Variants in PCDHGB2 observed in about 807,000 individuals in gnomAD.
PCDHGB2 encodes the protein protocadherin gamma-B2.
A neutral mutation model predicts 59.3 loss-of-function variants in PCDHGB2; 55 were observed. That is an observed-to-expected ratio of 0.93 (90% CI 0.75 to 1.16). The LOEUF is 1.16. PCDHGB2 is among the 50% of genes most tolerant of loss of function. The pLI is 0.00. For missense variants in PCDHGB2, 1,228 were observed against 1,198.5 expected (o/e 1.02, Z -0.36); for synonymous variants, 516 against 512.0 (o/e 1.01, Z -0.11).
chr5:141,486,617 C>A lies in PCDHGB2; in HGVS notation c.2422-8190C>A. On this transcript the variant is annotated intron_variant, in intron 1 of 3. Coordinates refer to ENST00000522605, the MANE Select transcript of PCDHGB2 (RefSeq NM_018923.3). The surrounding 1 kb of genome is among the most constrained non-coding windows in gnomAD (Gnocchi z 5.0). The stretch of plus-strand genomic sequence containing the variant: ...GCTTTGCTCCCTTGCAGCCTCTGAC[C>A]CAGACTCTGGCTTGAATGCGCTTAT... The A allele has an allele frequency of 1.2e-6, 2 of 1,613,602 alleles. No homozygotes were observed. The highest frequency in any genetic ancestry group is 2.2e-5 in the East Asian group (1 of 44,874).
At chr5:141,408,297 C>G in intron 1 of PCDHGB2, 1 of 1,613,652 alleles carries the variant, frequency 6.2e-7, no homozygotes, top group East Asian at 2.2e-5. Flanking sequence ...CTGAGTGAGC[C>G]GATCCGCTAC....
chr5:141,367,484 C>A (rs1377181139), intron 1 of PCDHGB2: 13 of 152,012 alleles, frequency 8.6e-5, no homozygotes, highest in Admixed American at 8.5e-4. Flanking sequence ...TTGCAGTAAG[C>A]CGAGATCGCG....
chr5:141,402,223 T>C (rs1329025694), intron 1 of PCDHGB2, among the ~76,000 whole-genome samples: 1 of 152,054 alleles, frequency 6.6e-6, no homozygotes, highest in Non-Finnish European at 1.5e-5. Context: ...AAATAAACGT[T>C]TTTCCAGGAA....
chr5:141,365,441 G>A (rs749640886), intron 1 of PCDHGB2: 7 of 1,613,952 alleles, frequency 4.3e-6, no homozygotes, highest in East Asian at 2.2e-5. Flanking sequence ...GCTGTTTAGC[G>A]TACATGATGG....
At chr5:141,364,424 C>T (rs1029173533) in intron 1 of PCDHGB2, 1 of 1,613,570 alleles carries the variant, frequency 6.2e-7, no homozygotes, top group Non-Finnish European at 8.5e-7. Context: ...CGGGCAGATC[C>T]GCTACTCGAT....
chr5:141,372,707 G>C, intron 1 of PCDHGB2: 1 of 1,613,964 alleles, frequency 6.2e-7, no homozygotes, highest in Non-Finnish European at 8.5e-7. Context: ...TCAATATAAA[G>C]GCTGAAAATG....
At position 141,489,090 on chromosome 5, in the gene PCDHGB2, C is replaced by A; in HGVS notation, c.2422-5717C>A. On this transcript the variant is annotated intron_variant, in intron 1 of 3. Transcript: ENST00000522605. The surrounding 1 kb of genome is among the most constrained non-coding windows in gnomAD (Gnocchi z 4.5). Reference sequence around the variant, plus strand: ...CCTGCCCACCCCCGCCACTCGGTGACTAAGAACTGCTGCAAGCAGGCAAAC... The same window carrying A: ...CCTGCCCACCCCCGCCACTCGGTGAATAAGAACTGCTGCAAGCAGGCAAAC... The A allele has an allele frequency of 1.5e-5, 5 of 328,802 alleles. No individual in the cohort carries two copies. The highest frequency in any genetic ancestry group is 4.8e-5 in the East Asian group (1 of 20,928). 20.4% of individuals were successfully genotyped at this position (328,802 alleles called of 1,614,324 possible).
intron 1 of PCDHGB2, among the ~76,000 whole-genome samples, chr5:141,460,653 GT>G (rs2098994590): frequency 6.6e-6 from 1 of 151,844 alleles, no homozygotes; most frequent in Admixed American, 6.6e-5. Context: ...TTACACATAT[GT>G]AACTGTAAAC....
intron 1 of PCDHGB2, chr5:141,421,895 GA>G: frequency 6.2e-7 from 1 of 1,613,730 alleles, no homozygotes; most frequent in African/African-American, 1.3e-5. Flanking sequence ...GATCCCATCC[GA>G]AAGGGCGCAG....
rs141397385 is a variant in PCDHGB2 at position 141,476,135 on chromosome 5, A to C, written c.2422-18672A>C. 8.4e-4 allele frequency: 1,352 copies of C among 1,608,526 alleles called. 1 individual carries two copies. Among genetic ancestry groups the C allele is most frequent in the Non-Finnish European group, 1.1e-3 (1,319 of 1,178,332 alleles). On this transcript the variant is annotated intron_variant, in intron 1 of 3. Transcript: ENST00000522605. This position sits in a 1 kb window ranked among gnomAD's most constrained non-coding sequence, Gnocchi z 7.6. ...GAGTGAGATGGTCCCAGAGGCCTGG[A>C]GGAGCGGACTGGTAAGCACCGGGAG...
chr5:141,385,258 A>G lies in PCDHGB2; in HGVS notation c.2421+22702A>G, dbSNP rs1490610927. ...GCTCATCAGCCAGGAGAGCTGTGAG[A>G]AAAATGATTCTTTGCTAACATCCGT... On this transcript the variant is annotated intron_variant, in intron 1 of 3. Coordinates refer to ENST00000522605, the MANE Select transcript of PCDHGB2 (RefSeq NM_018923.3). 6 of 1,613,776 alleles carry G rather than the reference A, an allele frequency of 3.7e-6. No individual in the cohort carries two copies. In the South Asian group the frequency reaches 6.6e-5, roughly 18 times the overall value.
intron 1 of PCDHGB2, among the ~76,000 whole-genome samples, chr5:141,447,023 GT>G (rs5871773): frequency 0.034 from 5,146 of 151,536 alleles, 101 homozygotes; most frequent in Middle Eastern, 0.088. Flanking sequence ...GTTTTGTTTT[GT>G]TTTTTTTCTG....
intron 1 of PCDHGB2, chr5:141,372,531 C>G (rs767186429): frequency 6.2e-7 from 1 of 1,614,032 alleles, no homozygotes; most frequent in Admixed American, 1.7e-5. Context: ...GGCAATCTCC[C>G]TGCGCCTGCG....
chr5:141,366,257 G>C (rs1420756511), intron 1 of PCDHGB2: 1 of 1,613,694 alleles, frequency 6.2e-7, no homozygotes, highest in Non-Finnish European at 8.5e-7. Context: ...GCAGAGCCTC[G>C]TGGTGGCCGT....
At chr5:141,378,896 TTCTGTTA>T (rs1377436714) in intron 1 of PCDHGB2, 1 of 152,242 alleles carries the variant, frequency 6.6e-6, no homozygotes, top group Non-Finnish European at 1.5e-5. Context: ...AGATAGGAGA[TTCTGTTA>T]TCGACAGTCT....
At chr5:141,387,274 AT>A (rs2090884370) in intron 1 of PCDHGB2, among the ~76,000 whole-genome samples, 1 of 152,244 alleles carries the variant, frequency 6.6e-6, no homozygotes, top group South Asian at 2.1e-4. Context: ...GTTAGGAACA[AT>A]GAAAGAAAGA....
chr5:141,417,963 A>C (rs1260025037), intron 1 of PCDHGB2: 1 of 1,613,258 alleles, frequency 6.2e-7, no homozygotes, highest in Non-Finnish European at 8.5e-7. Flanking sequence ...CCGATCCGCT[A>C]CTCGATTCCG....
chr5:141,491,152 G>A lies in PCDHGB2; in HGVS notation c.2422-3655G>A. 1 of 1,614,168 alleles carries A rather than the reference G, an allele frequency of 6.2e-7. No homozygotes were observed. The highest frequency in any genetic ancestry group is 8.5e-7 in the Non-Finnish European group (1 of 1,179,990). On this transcript the variant is annotated intron_variant, in intron 1 of 3. Transcript: ENST00000522605. The surrounding 1 kb of genome is among the most constrained non-coding windows in gnomAD (Gnocchi z 6.9). ...CACAGCCCGGGCCTTACTGGAGGAT[G>A]ACTCTGACACCCAGCAGGTGGTGGT...
Position 141,490,400 on chromosome 5 carries a change from T to A in PCDHGB2, c.2422-4407T>A. On this transcript the variant is annotated intron_variant, in intron 1 of 3. Coordinates refer to ENST00000522605, the MANE Select transcript of PCDHGB2 (RefSeq NM_018923.3). This position sits in a 1 kb window ranked among gnomAD's most constrained non-coding sequence, Gnocchi z 5.4. ...TCAGGTAGAAATGGTGAAGTGAGCC[T>A]TGATATCTCTCCGGACCTGCCATTT... The A allele has an allele frequency of 6.2e-7, 1 of 1,614,202 alleles. No homozygotes were observed. Among genetic ancestry groups the A allele is most frequent in the Non-Finnish European group, 8.5e-7 (1 of 1,180,032 alleles).
Sources: allele counts gnomAD v4.1 joint callset (sites outside exome capture counted in the v4.1 genomes callset), GRCh38; gene constraint gnomAD v4.1.1; non-coding constraint Gnocchi (gnomAD v3.1); transcripts MANE v1.5; gene names NCBI Gene and HGNC (gene_info 2026-07-23, HGNC 2026-07-21).